ST3GAL6: variants seen among roughly 807,000 people sequenced by gnomAD.
ST3GAL6 encodes the protein ST3 beta-galactoside alpha-2,3-sialyltransferase 6.
A neutral mutation model predicts 40.5 loss-of-function variants in ST3GAL6; 31 were observed. The ratio of observed to expected loss-of-function variants is 0.77; its 90% CI spans 0.58 to 1.03. The LOEUF (loss-of-function observed/expected upper bound fraction) is 1.03. ST3GAL6 is among the 50% of genes least tolerant of loss of function. The pLI, the probability that ST3GAL6 is intolerant of heterozygous loss-of-function variation, is 0.00. For synonymous variants in ST3GAL6, 129 were observed against 136.9 expected, an observed-to-expected ratio of 0.94 and a Z score of 0.40; for missense variants, 357 against 393.2, an observed-to-expected ratio of 0.91 and a Z score of 0.78.
intron 8 of ST3GAL6, 136 bp downstream of exon 8, chr3:98,788,599 A>T: frequency 1.4e-6 from 1 of 715,008 alleles, no homozygotes; most frequent in Non-Finnish European, 2.2e-6. Context: ...GAGTTAGTAA[A>T]AGTAGTTATC....
rs139832763 is a variant in ST3GAL6 at position 98,793,738 on chromosome 3, G to A, written c.973G>A (p.Val325Ile). Reference protein sequence around the residue: ...FLKDIIEKNLVINLTQD With the variant: ...FLKDIIEKNLIINLTQD ...GAAGGACATTATAGAAAAAAACCTC[G>A]TAATCAACTTGACTCAAGATTGACT... is the stretch of plus-strand genomic sequence containing the variant. Residue 325 changes from valine to isoleucine, a missense_variant, in exon 10 of 10, where the codon GTA (valine) becomes ATA (isoleucine). Val to Ile is a conservative substitution (Grantham distance 29). Transcript: ENST00000483910. 4.6e-5 allele frequency: 73 copies of A among 1,602,132 alleles called. No homozygotes were observed. The highest frequency in any genetic ancestry group is 5.8e-5 in the Non-Finnish European group (68 of 1,174,550).
upstream of ST3GAL6, among the ~76,000 whole-genome samples, chr3:98,760,296 C>T (rs997137530): frequency 6.6e-6 from 1 of 152,154 alleles, no homozygotes; most frequent in South Asian, 2.1e-4. Context: ...CCACTTGACT[C>T]AGTGGATCAA....
chr3:98,745,064 T>G (rs938540056), intron 1 of ST3GAL6, among the ~76,000 whole-genome samples: 5 of 152,084 alleles, frequency 3.3e-5, no homozygotes, highest in African/African-American at 1.2e-4. Context: ...GATGGAGTCT[T>G]GCTCTGTCAC....
At chr3:98,752,413 C>T (rs1937073094) in intron 1 of ST3GAL6, among the ~76,000 whole-genome samples, 1 of 151,654 alleles carries the variant, frequency 6.6e-6, no homozygotes, top group South Asian at 2.1e-4. Context: ...TTATGGTGAT[C>T]TATGATCACT....
chr3:98,756,556 A>G, intron 1 of ST3GAL6: 1 of 1,229,716 alleles, frequency 8.1e-7, no homozygotes, highest in Non-Finnish European at 1.0e-6. Context: ...CAAAGGCAAC[A>G]CCACCATTGT....
intron 1 of ST3GAL6, among the ~76,000 whole-genome samples, chr3:98,752,406 T>C (rs922792796): frequency 6.6e-6 from 1 of 152,104 alleles, no homozygotes; most frequent in African/African-American, 2.4e-5. Flanking sequence ...ATATCTGTTA[T>C]GGTGATCTAT....
At chr3:98,766,302 C>A (rs1036248449) in intron 1 of ST3GAL6, among the ~76,000 whole-genome samples, 1 of 150,898 alleles carries the variant, frequency 6.6e-6, no homozygotes, top group Non-Finnish European at 1.5e-5. Context: ...ATACTGACTT[C>A]TTTCCCTAGA....
At chr3:98,755,643 A>T (rs143736281) in intron 1 of ST3GAL6, among the ~76,000 whole-genome samples, 3,154 of 152,268 alleles carry the variant, frequency 0.021, 50 homozygotes, top group Non-Finnish European at 0.033. Flanking sequence ...AATGGACTTA[A>T]AATACTCCAT....
upstream of ST3GAL6, chr3:98,763,126 G>C: frequency 1.0e-6 from 1 of 985,426 alleles, no homozygotes; most frequent in Non-Finnish European, 1.2e-6. Flanking sequence ...AGATGGCTGG[G>C]TCTGTGAGGC....
At chr3:98,777,512 C>T (rs113694387) in intron 5 of ST3GAL6, among the ~76,000 whole-genome samples, 2,045 of 152,260 alleles carry the variant, frequency 0.013, 25 homozygotes, top group Non-Finnish European at 0.018. Flanking sequence ...GAATGTGGAC[C>T]GGAAAATGTA....
At chr3:98,758,553 A>G (rs1937552232), upstream of ST3GAL6, among the ~76,000 whole-genome samples, 1 of 152,254 alleles carries the variant, frequency 6.6e-6, no homozygotes, top group African/African-American at 2.4e-5. Flanking sequence ...GAGTTTTGCC[A>G]GTGAATTAAT....
At chr3:98,785,883 T>C (rs1459309150) in intron 6 of ST3GAL6, among the ~76,000 whole-genome samples, 2 of 152,084 alleles carry the variant, frequency 1.3e-5, no homozygotes, top group African/African-American at 4.8e-5. Flanking sequence ...GGAAGAGATA[T>C]GTGGACTGAC....
intron 5 of ST3GAL6, chr3:98,783,413 CA>C (rs1442452027): frequency 3.3e-6 from 1 of 299,178 alleles, no homozygotes; most frequent in East Asian, 1.7e-4. Context: ...CAATGAATGG[CA>C]AACTGTTTTT....
At position 98,788,048 on chromosome 3, in the gene ST3GAL6, T is replaced by C; in HGVS notation, c.444T>C (p.Gly148=). The C allele has an allele frequency of 6.2e-7, 1 of 1,613,052 alleles. No individual in the cohort carries two copies. Among genetic ancestry groups the C allele is most frequent in the Non-Finnish European group, 8.5e-7 (1 of 1,179,674 alleles). Residue 148 remains glycine (G), a synonymous_variant, in exon 7 of 10, where the codon GGT becomes GGC. Coordinates refer to ENST00000483910, the MANE Select transcript of ST3GAL6 (RefSeq NM_001323368.2). ...TTACTATCCACAGAATGAATAATGG[T>C]CCTGTTTTAGGACATGAAGAAGAAG... The part of the protein sequence containing the change: ...SYDVIIRMNN[G]PVLGHEEEVG...
intron 1 of ST3GAL6, chr3:98,733,535 C>T: frequency 1.0e-6 from 1 of 985,792 alleles, no homozygotes; most frequent in Non-Finnish European, 1.2e-6. Flanking sequence ...TTTCCCTCCA[C>T]AATGGAACTA....
At chr3:98,793,192 G>A (rs1194460201) in intron 9 of ST3GAL6, among the ~76,000 whole-genome samples, 1 of 152,176 alleles carries the variant, frequency 6.6e-6, no homozygotes, top group African/African-American at 2.4e-5. Context: ...GGTATTTCAA[G>A]TGTCATCTAA....
At chr3:98,783,969 T>G (rs1940435343) in intron 5 of ST3GAL6, among the ~76,000 whole-genome samples, 1 of 152,266 alleles carries the variant, frequency 6.6e-6, no homozygotes, top group Admixed American at 6.5e-5. Context: ...TTAAACAGTT[T>G]CCGAATTCTC....
chr3:98,793,682 A>G lies in ST3GAL6; in HGVS notation c.917A>G (p.Tyr306Cys). ...TGTATTTTTCTTCTTTAGAACGCGT[A>G]TCACAATGTGACTGCAGAGCAGCTC... ...ATMSLMNKNA[Y>C]HNVTAEQLFL... is the part of the protein sequence containing the mutation. The change falls in exon 10 of 10, where the codon TAT (tyrosine) becomes TGT (cysteine). Residue 306 changes from tyrosine to cysteine, a missense_variant. Tyr to Cys is a radical substitution (Grantham distance 194). Coordinates refer to ENST00000483910, the MANE Select transcript of ST3GAL6 (RefSeq NM_001323368.2). The G allele has an allele frequency of 6.3e-7, 1 of 1,584,256 alleles. No individual in the cohort carries two copies. The highest frequency in any genetic ancestry group is 8.6e-7 in the Non-Finnish European group (1 of 1,167,764).
chr3:98,754,127 A>G (rs1937239501), intron 1 of ST3GAL6, among the ~76,000 whole-genome samples: 1 of 152,246 alleles, frequency 6.6e-6, no homozygotes, highest in South Asian at 2.1e-4. Context: ...GGGGTCACAT[A>G]GATAGTGACC....
Sources: allele counts gnomAD v4.1 joint callset (sites outside exome capture counted in the v4.1 genomes callset), GRCh38; gene constraint gnomAD v4.1.1; transcripts MANE v1.5; gene names NCBI Gene and HGNC (gene_info 2026-07-23, HGNC 2026-07-21).